The following SRPK2 variants were observed in gnomAD, a reference collection of about 807,000 sequenced individuals.
The protein encoded by SRPK2 is SFRS protein kinase 2.
Under a neutral mutation model 90.8 loss-of-function variants are expected in SRPK2, and 21 were observed. The observed-to-expected ratio is 0.23, with a 90% confidence interval of 0.16 to 0.33. The LOEUF is 0.33. SRPK2 is among the 10% of genes least tolerant of loss of function. The pLI, the probability that SRPK2 is intolerant of heterozygous loss-of-function variation, is 1.00. For missense variants in SRPK2, 620 were observed against 869.0 expected (o/e 0.71, Z 3.60); for synonymous variants, 288 against 311.1 (o/e 0.93, Z 0.78).
intron 2 of SRPK2, among the ~76,000 whole-genome samples, chr7:105,265,381 A>C (rs1482192799): frequency 6.6e-6 from 1 of 152,244 alleles, no homozygotes; most frequent in Non-Finnish European, 1.5e-5. Context: ...CGAAGTACAC[A>C]GGTTATGTGC....
intron 2 of SRPK2, among the ~76,000 whole-genome samples, chr7:105,228,114 T>C (rs1798948397): frequency 6.6e-6 from 1 of 152,208 alleles, no homozygotes; most frequent in Non-Finnish European, 1.5e-5. Flanking sequence ...CAATCTTGGC[T>C]CACTGCAACC....
At chr7:105,196,847 C>T (rs1794973944) in intron 3 of SRPK2, among the ~76,000 whole-genome samples, 1 of 151,982 alleles carries the variant, frequency 6.6e-6, no homozygotes, top group African/African-American at 2.4e-5. Flanking sequence ...GTCAGGAGTT[C>T]GAGACCAGCA....
At chr7:105,344,274 CT>C (rs753921303) in intron 2 of SRPK2, among the ~76,000 whole-genome samples, 1 of 145,066 alleles carries the variant, frequency 6.9e-6, no homozygotes, top group Non-Finnish European at 1.5e-5. Context: ...TTCAAAAAAA[CT>C]TTATTTATGG....
chr7:105,234,487 C>T (rs1028491269), intron 2 of SRPK2, among the ~76,000 whole-genome samples: 2 of 152,086 alleles, frequency 1.3e-5, no homozygotes, highest in Non-Finnish European at 2.9e-5. Flanking sequence ...ATAGGCTATA[C>T]TGATGCTTAC....
chr7:105,169,354 T>A, intron 3 of SRPK2, 89 bp from the exon 4 acceptor site: 1 of 965,862 alleles, frequency 1.0e-6, no homozygotes, highest in Non-Finnish European at 1.6e-6. Flanking sequence ...TTGATGTCAT[T>A]AAAGAAAGCT....
intron 13 of SRPK2, 50 bp from the exon 14 acceptor site, chr7:105,127,112 G>T: frequency 6.3e-7 from 1 of 1,578,854 alleles, no homozygotes; most frequent in Non-Finnish European, 8.7e-7. Flanking sequence ...TGGCCCCCAA[G>T]TCAACAGCTT....
intron 2 of SRPK2, among the ~76,000 whole-genome samples, chr7:105,327,669 C>T (rs996455065): frequency 1.1e-4 from 16 of 152,230 alleles, no homozygotes; most frequent in South Asian, 2.1e-4. Flanking sequence ...TGGTTTATTA[C>T]TACATCCCCA....
chr7:105,142,160 A>G lies in SRPK2; in HGVS notation c.1391T>C (p.Phe464Ser). 6.2e-7 allele frequency: 1 copy of G among 1,614,184 alleles called. No individual in the cohort carries two copies. Among genetic ancestry groups the G allele is most frequent in the Non-Finnish European group, 8.5e-7 (1 of 1,180,026 alleles). ...GGATCCAGAGAACAACGAGGTGGAA[A>G]ACTCTGGGAACTGTGACTCGGGAAT... Reference protein sequence around the residue: ...HKIPESQFPEFSTSLFSGSLE... With the variant: ...HKIPESQFPESSTSLFSGSLE... The change falls in exon 11 of 16, where the codon TTT (phenylalanine) becomes TCT (serine). Residue 464 changes from phenylalanine to serine, a missense_variant. This residue lies in a region of SRPK2 where 243 missense variants were observed against 245.7 expected (regional missense o/e 0.99). Transcript: ENST00000393651.
At chr7:105,198,233 G>C (rs987301324) in intron 3 of SRPK2, among the ~76,000 whole-genome samples, 1 of 152,032 alleles carries the variant, frequency 6.6e-6, no homozygotes, top group African/African-American at 2.4e-5. Context: ...TCCAATTCAG[G>C]GGTTTACAGT....
rs956705533 is a variant in SRPK2, at chr7:105,169,790, A to T, written c.230-525T>A. Among the ~76,000 whole-genome samples, 67 of 152,302 alleles carry T rather than the reference A, an allele frequency of 4.4e-4. 2 individuals are homozygous for T. Among genetic ancestry groups the T allele is most frequent in the East Asian group, 1.9e-4 (1 of 5,180 alleles). On this transcript the variant is annotated intron_variant, in intron 3 of 15. Coordinates refer to ENST00000393651, the MANE Select transcript of SRPK2 (RefSeq NM_182692.3). ...AAAGAGGCAATGAACCATCTAGCAC[A>T]CCGTAATGATAACTTGAGGTTCTCT... is the stretch of plus-strand genomic sequence containing the variant.
intron 6 of SRPK2, among the ~76,000 whole-genome samples, chr7:105,166,043 G>T (rs927566750): frequency 1.3e-5 from 2 of 152,050 alleles, no homozygotes; most frequent in Non-Finnish European, 2.9e-5. Context: ...CCCACCAGAA[G>T]GAAACGGACA....
At chr7:105,198,230 C>T (rs1795149796) in intron 3 of SRPK2, among the ~76,000 whole-genome samples, 1 of 152,154 alleles carries the variant, frequency 6.6e-6, no homozygotes, top group Non-Finnish European at 1.5e-5. Context: ...GATTCCAATT[C>T]AGGGGTTTAC....
chr7:105,147,187 G>A (rs771574475), intron 7 of SRPK2, among the ~76,000 whole-genome samples: 1 of 152,034 alleles, frequency 6.6e-6, no homozygotes, highest in Non-Finnish European at 1.5e-5. Flanking sequence ...ATGTTAATTG[G>A]TCATGTGATC....
intron 2 of SRPK2, among the ~76,000 whole-genome samples, chr7:105,238,774 A>G (rs1800444650): frequency 6.6e-6 from 1 of 152,242 alleles, no homozygotes; most frequent in African/African-American, 2.4e-5. Context: ...GATTTTAATA[A>G]GAAAATCATT....
chr7:105,142,465 T>C lies in SRPK2; in HGVS notation c.1086A>G (p.Lys362=), dbSNP rs963761104. 3 of 1,611,756 alleles carry C rather than the reference T, an allele frequency of 1.9e-6. No homozygotes were observed. The highest frequency in any genetic ancestry group is 1.3e-5 in the African/African-American group (1 of 74,832). The change falls in exon 11 of 16, where the codon AAA becomes AAG. Residue 362 remains lysine (K), a synonymous_variant. Transcript: ENST00000393651. ...DNGEAEDQEE[K]EDAEKENIEK... ...CAATGTTTTCTTTCTCAGCATCTTCTTTCTCTTCCTGGTCCTCAGCTTCAC... is the reference window on the plus strand; with the variant it reads ...CAATGTTTTCTTTCTCAGCATCTTCCTTCTCTTCCTGGTCCTCAGCTTCAC...
intron 2 of SRPK2, among the ~76,000 whole-genome samples, chr7:105,272,281 G>A (rs1485319805): frequency 7.9e-5 from 12 of 152,144 alleles, no homozygotes; most frequent in Non-Finnish European, 4.4e-5. Flanking sequence ...GAAAATGCTT[G>A]ACAGTACACT....
intron 3 of SRPK2, among the ~76,000 whole-genome samples, chr7:105,178,390 T>A (rs1428425292): frequency 2.6e-5 from 4 of 152,166 alleles, no homozygotes; most frequent in Non-Finnish European, 5.9e-5. Flanking sequence ...ATTTAAGAAC[T>A]CTTGAATACA....
At chr7:105,394,278 GACT>G (rs1336559844), upstream of SRPK2, among the ~76,000 whole-genome samples, 1 of 152,058 alleles carries the variant, frequency 6.6e-6, no homozygotes, top group Admixed American at 6.6e-5. Flanking sequence ...AAGTAGCTGG[GACT>G]ACAGGTGCAC....
chr7:105,232,702 A>C (rs1045420441), intron 2 of SRPK2, among the ~76,000 whole-genome samples: 2 of 70,108 alleles, frequency 2.9e-5, no homozygotes, highest in African/African-American at 5.3e-5. Flanking sequence ...CCATTAAAAA[A>C]AACAACAATA....
Sources: gnomAD v4.1 joint callset for allele counts (sites outside exome capture counted in the v4.1 genomes callset) on GRCh38, gnomAD v4.1.1 for gene constraint, gnomAD v4.1.1 regional missense constraint, MANE v1.5 for transcripts, NCBI Gene and HGNC (gene_info 2026-07-23, HGNC 2026-07-21) for gene names.